Variants in NDRG1 observed in about 807,000 individuals in gnomAD.
The protein encoded by NDRG1 is N-myc downstream regulated 1.
Under a neutral mutation model 56.9 loss-of-function variants are expected in NDRG1, and 32 were observed. The observed-to-expected ratio is 0.56, with a 90% CI of 0.42 to 0.76. The LOEUF (loss-of-function observed/expected upper bound fraction) is 0.76. Ranked by LOEUF, NDRG1 falls within the 30% of genes least tolerant of loss-of-function variation. NDRG1 has a pLI of 0.00. For missense variants in NDRG1, 507 were observed against 545.7 expected, an observed-to-expected ratio of 0.93 and a Z score of 0.71; for synonymous variants, 211 against 204.1, an observed-to-expected ratio of 1.03 and a Z score of -0.29.
chr8:133,252,149 T>C (rs1351108608), intron 9 of NDRG1, among the ~76,000 whole-genome samples: 2 of 152,174 alleles, frequency 1.3e-5, no homozygotes, highest in Non-Finnish European at 2.9e-5. Context: ...CAGGCTGCAG[T>C]GCATGGCGCG....
intron 3 of NDRG1, among the ~76,000 whole-genome samples, chr8:133,271,212 T>C (rs542856617): frequency 4.6e-5 from 7 of 152,202 alleles, no homozygotes; most frequent in South Asian, 4.2e-4. Context: ...TCTAAGTCAG[T>C]TGGTGGGCTT....
chr8:133,272,466 C>A (rs1221614903), intron 3 of NDRG1, among the ~76,000 whole-genome samples: 1 of 152,180 alleles, frequency 6.6e-6, no homozygotes, highest in African/African-American at 2.4e-5. Flanking sequence ...GGAGGTCAAG[C>A]GAGTGGCCAA....
intron 1 of NDRG1, among the ~76,000 whole-genome samples, chr8:133,295,296 C>T (rs568422457): frequency 1.3e-5 from 2 of 152,320 alleles, no homozygotes; most frequent in East Asian, 3.9e-4. Context: ...GGGCCAGGGG[C>T]CAGGTTACAG....
In NDRG1 at chr8:133,244,372, G is replaced by A. The variant is rs745520295; in HGVS notation, c.874C>T (p.Leu292Phe). The A allele has an allele frequency of 3.1e-6, 5 of 1,614,120 alleles. No homozygotes were observed. The change falls in exon 14 of 16, where the codon CTC becomes TTC. Residue 292 changes from leucine to phenylalanine, a missense_variant. By Grantham distance (22) the Leu-to-Phe change is conservative. Transcript: ENST00000323851. ...TLLKMADCGG[L>F]PQISQPAKLA... ...GCACTCACCTGGGAGATCTGCGGGA[G>A]GCCGCCACAGTCCGCCATCTAGGAG...
intron 11 of NDRG1, 79 bp downstream of exon 11, chr8:133,248,636 A>G: frequency 3.3e-6 from 5 of 1,514,112 alleles, no homozygotes; most frequent in Non-Finnish European, 4.6e-6. Flanking sequence ...CACACTCAGA[A>G]AGAAGGCCCT....
chr8:133,294,635 G>C (rs142471819), intron 1 of NDRG1, among the ~76,000 whole-genome samples: 4 of 151,636 alleles, frequency 2.6e-5, no homozygotes, highest in African/African-American at 9.8e-5. Context: ...GTAACCCAGG[G>C]GGGCCCTCAG....
At chr8:133,278,330 C>T (rs761460320) in intron 3 of NDRG1, among the ~76,000 whole-genome samples, 4 of 152,116 alleles carry the variant, frequency 2.6e-5, no homozygotes, top group Non-Finnish European at 5.9e-5. Context: ...CTCTTAGCTG[C>T]CCCACCATGC....
intron 1 of NDRG1, among the ~76,000 whole-genome samples, chr8:133,288,585 A>T (rs1858259988): frequency 6.6e-6 from 1 of 152,022 alleles, no homozygotes; most frequent in Non-Finnish European, 1.5e-5. Context: ...TCCTTGCTGG[A>T]CTCCAGCTCC....
Position 133,265,114 on chromosome 8 carries a change from C to G in NDRG1, c.100-462G>C, listed in dbSNP as rs570354269. ...GCCCTCAGTTTCCTTCAGGAACCCA[C>G]CCAACCCTCACCCTCAGTCCTAAGT... On this transcript the variant is annotated intron_variant, in intron 3 of 15. Transcript: ENST00000323851. 8 of 249,768 alleles carry G rather than the reference C, an allele frequency of 3.2e-5. No individual in the cohort carries two copies. The South Asian group carries it at 4.2e-4, about 13-fold the overall frequency. 15.5% of individuals were successfully genotyped at this position (249,768 alleles called of 1,614,324 possible). A position where few individuals can be genotyped will look rare whatever the true frequency, so the allele number is the denominator to read the frequency against.
chr8:133,244,313 G>C, intron 14 of NDRG1, 42 bp downstream of exon 14: 3 of 1,612,718 alleles, frequency 1.9e-6, no homozygotes, highest in Non-Finnish European at 2.5e-6. Flanking sequence ...CACCCAGGGG[G>C]AAGCGACAGC....
intron 5 of NDRG1, among the ~76,000 whole-genome samples, chr8:133,260,231 G>T (rs1856593648): frequency 6.6e-6 from 1 of 152,168 alleles, no homozygotes; most frequent in African/African-American, 2.4e-5. Context: ...CTCCTGTGTA[G>T]GTGGTGGACA....
chr8:133,238,972 G>C lies in NDRG1; in HGVS notation c.1091C>G (p.Ser364Trp). ...SHTSEGTRSR[S>W]HTSEGAHLDI... The stretch of plus-strand genomic sequence containing the variant: ...CAGGTGGGCCCCCTCGCTGGTGTGC[G>C]AGCGGCTGCGGGTGCCCTCGCTGGT... Residue 364 changes from serine (S) to tryptophan (W), a missense_variant, in exon 16 of 16, where the codon TCG becomes TGG. Physicochemically the swap from Ser to Trp is radical, Grantham distance 177. Transcript: ENST00000323851. 1 of 1,589,226 alleles carries C rather than the reference G, an allele frequency of 6.3e-7. No individual in the cohort carries two copies. The highest frequency in any genetic ancestry group is 8.6e-7 in the Non-Finnish European group (1 of 1,169,322).
At chr8:133,288,813 G>C (rs1236795269) in intron 1 of NDRG1, among the ~76,000 whole-genome samples, 1 of 152,172 alleles carries the variant, frequency 6.6e-6, no homozygotes, top group African/African-American at 2.4e-5. Context: ...TGCTCCCCAA[G>C]AAGCACAGAA....
chr8:133,258,265 A>G, intron 7 of NDRG1, 101 bp downstream of exon 7: 1 of 1,224,636 alleles, frequency 8.2e-7, no homozygotes, highest in South Asian at 1.3e-5. Flanking sequence ...AATACGGGTC[A>G]TTTCTTTTTC....
chr8:133,285,570 A>G (rs908585748), intron 1 of NDRG1, among the ~76,000 whole-genome samples: 3 of 152,172 alleles, frequency 2.0e-5, no homozygotes, highest in Non-Finnish European at 2.9e-5. Context: ...ACCTGGTGAA[A>G]CACCTCTTAG....
intron 6 of NDRG1, chr8:133,258,958 C>A (rs767413768): frequency 6.3e-6 from 4 of 632,576 alleles, no homozygotes; most frequent in Non-Finnish European, 5.7e-6. Context: ...AACATTCACG[C>A]AAGAGGAAAA....
At chr8:133,296,148 C>G (rs921051699) in intron 1 of NDRG1, among the ~76,000 whole-genome samples, 3 of 152,124 alleles carry the variant, frequency 2.0e-5, no homozygotes, top group Non-Finnish European at 2.9e-5. Flanking sequence ...AATCTCCTCC[C>G]GAGGCTGAAT....
At chr8:133,278,274 T>A (rs1000303271) in intron 3 of NDRG1, among the ~76,000 whole-genome samples, 1 of 137,046 alleles carries the variant, frequency 7.3e-6, no homozygotes, top group African/African-American at 2.8e-5. Context: ...CCTGGGTGCA[T>A]TTTTTCCCAT....
At position 133,254,593 on chromosome 8, in the gene NDRG1, G is replaced by C; in HGVS notation, c.540C>G (p.Ile180Met). 1 of 1,614,034 alleles carries C rather than the reference G, an allele frequency of 6.2e-7. No homozygotes were observed. The highest frequency in any genetic ancestry group is 8.5e-7 in the Non-Finnish European group (1 of 1,179,968). The change falls in exon 9 of 16, where the codon ATC (isoleucine) becomes ATG (methionine). Residue 180 changes from isoleucine to methionine, a missense_variant and splice_region_variant. By Grantham distance (10) the Ile-to-Met change is conservative (BLOSUM62 1). Transcript: ENST00000323851. ...CCGGCAGAGCTTGGGTCCATCCTGA[G>C]ATCTGGAAAGGAGTAAAGTGGGTGG... is the stretch of plus-strand genomic sequence containing the variant. Reference protein sequence around the residue: ...EGWMDWAASKISGWTQALPDM... With the variant: ...EGWMDWAASKMSGWTQALPDM...
Sources: gnomAD v4.1 joint callset for allele counts (sites outside exome capture counted in the v4.1 genomes callset) on GRCh38, gnomAD v4.1.1 for gene constraint, MANE v1.5 for transcripts, NCBI Gene and HGNC (gene_info 2026-07-23, HGNC 2026-07-21) for gene names.